Variants in SET observed in about 807,000 individuals in gnomAD.
The protein encoded by SET is protein SET.
Under a neutral mutation model 39.0 loss-of-function variants are expected in SET, and 4 were observed. That is an observed-to-expected ratio of 0.10 (90% confidence interval 0.05 to 0.23). The LOEUF is 0.23. Among genes scored for constraint, SET ranks in the 10% least tolerant of loss-of-function variants. The pLI, the probability that SET is intolerant of heterozygous loss-of-function variation, is 1.00. For missense variants in SET, 137 were observed against 329.7 expected (o/e 0.42, Z 4.53); for synonymous variants, 114 against 115.9 (o/e 0.98, Z 0.11).
intron 1 of SET, chr9:128,690,141 C>A: frequency 5.0e-6 from 1 of 201,984 alleles, no homozygotes; most frequent in Non-Finnish European, 8.8e-6. Flanking sequence ...GGGCTTCTGC[C>A]TGGAGCTCGG....
chr9:128,690,926 C>G lies in SET; in HGVS notation c.74-244C>G, dbSNP rs1861508920. The G allele has an allele frequency of 2.5e-5, 14 of 552,886 alleles. 1 individual carries two copies. Among genetic ancestry groups the G allele is most frequent in the Non-Finnish European group, 4.2e-5 (13 of 310,896 alleles). The allele number at this position is 552,886 out of a possible 1,614,324, so 34.2% of individuals were successfully genotyped here. On this transcript the variant is annotated intron_variant, in intron 1 of 7. Coordinates refer to ENST00000322030, the MANE Select transcript of SET (RefSeq NM_003011.4). ...TAATGATCGGTCTGTTGTAGTGAAA[C>G]TCTTTAAAAAGGCGCTATAGAAAAC...
chr9:128,685,849 TG>T (rs1287107063), upstream of SET, among the ~76,000 whole-genome samples: 1 of 152,128 alleles, frequency 6.6e-6, no homozygotes, highest in East Asian at 1.9e-4. Flanking sequence ...CTGGCCAACA[TG>T]GCTAAACCCC....
chr9:128,690,216 G>T (rs1055118968), intron 1 of SET: 1 of 153,520 alleles, frequency 6.5e-6, no homozygotes, highest in Non-Finnish European at 1.4e-5. Flanking sequence ...CCGGGAGGAT[G>T]CTCTGGCCAG....
chr9:128,689,728 C>T, intron 1 of SET, 73 bp downstream of exon 1: 1 of 256,516 alleles, frequency 3.9e-6, no homozygotes, highest in African/African-American at 2.4e-5. Flanking sequence ...AGGCCGCCGG[C>T]GGGGCCCGGG....
intron 1 of SET, chr9:128,689,956 C>T (rs1217098500): frequency 1.5e-5 from 10 of 673,590 alleles, no homozygotes; most frequent in South Asian, 5.5e-5. Flanking sequence ...CTCCCTCCCT[C>T]CCGAGAAGCC....
At chr9:128,690,042 GCCCCGCGCCCGACC>G in intron 1 of SET, 3 of 1,003,208 alleles carry the variant, frequency 3.0e-6, no homozygotes, top group Non-Finnish European at 3.6e-6. Flanking sequence ...GCCGGACGCG[GCCCCGCGCCCGACC>G]TCCCGCGCGG....
chr9:128,692,338 A>C (rs1264543706), intron 3 of SET: 2 of 225,418 alleles, frequency 8.9e-6, no homozygotes, highest in South Asian at 6.3e-5. Context: ...GGGAGGTTGC[A>C]GTGAGCCGAG....
chr9:128,688,573 G>A (rs1167008390), upstream of SET, among the ~76,000 whole-genome samples: 1 of 152,190 alleles, frequency 6.6e-6, no homozygotes, highest in African/African-American at 2.4e-5. Context: ...AGTTTAATGT[G>A]GCTTCAGTGT....
intron 5 of SET, among the ~76,000 whole-genome samples, chr9:128,693,356 TTTACA>T (rs1861614033): frequency 6.6e-6 from 1 of 152,228 alleles, no homozygotes; most frequent in African/African-American, 2.4e-5. Context: ...CTCAAAATCA[TTTACA>T]TCCGTATTTA....
intron 1 of SET, 65 bp from the exon 2 acceptor site, chr9:128,691,105 G>C (rs758061527): frequency 1.6e-6 from 2 of 1,224,226 alleles, no homozygotes; most frequent in Admixed American, 3.5e-5. Context: ...GAATATTATA[G>C]TATTAACATC....
chr9:128,689,371 G>T lies in SET; in HGVS notation c.-212G>T. On this transcript the variant is annotated 5_prime_UTR_variant, in exon 1 of 8. Coordinates refer to ENST00000322030, the MANE Select transcript of SET (RefSeq NM_003011.4). ...CGAACAGGAGCCCGGGCCGGGGCCC[G>T]GCACGCCGCCCCAGCCCGTCCCTCG... The T allele has an allele frequency of 9.9e-7, 1 of 1,007,834 alleles. No individual in the cohort carries two copies. Among genetic ancestry groups the T allele is most frequent in the South Asian group, 4.7e-5 (1 of 21,480 alleles). The allele number at this position is 1,007,834 out of a possible 1,614,324, so 62.4% of individuals were successfully genotyped here.
At chr9:128,689,784 G>A (rs1265414786) in intron 1 of SET, 129 bp downstream of exon 1, 1 of 149,038 alleles carries the variant, frequency 6.7e-6, no homozygotes, top group Admixed American at 6.8e-5. Context: ...GCGGCCGGGC[G>A]GGGGCCCGCG....
In SET at chr9:128,692,837, A is replaced by G. The variant is rs1049279894; in HGVS notation, c.379-31A>G. 6 of 1,517,398 alleles carry G rather than the reference A, an allele frequency of 4.0e-6. No individual in the cohort carries two copies. In the African/African-American group the frequency reaches 4.1e-5, roughly 10 times the overall value. 94.0% of individuals were successfully genotyped at this position (1,517,398 alleles called of 1,614,324 possible). A position where few individuals can be genotyped will look rare whatever the true frequency, so the allele number is the denominator to read the frequency against. On this transcript the variant is annotated intron_variant, in intron 4 of 7. Coordinates refer to ENST00000322030, the MANE Select transcript of SET (RefSeq NM_003011.4). ...TGAGCTTTGGTTGGAAGACCTGTTC[A>G]TATTTCTAATCTTTCAATTATTTAT... is the stretch of plus-strand genomic sequence containing the variant.
intron 2 of SET, 40 bp from the exon 3 acceptor site, chr9:128,691,817 TA>T: frequency 6.4e-7 from 1 of 1,572,690 alleles, no homozygotes; most frequent in Non-Finnish European, 8.6e-7. Context: ...TTTAATTTGT[TA>T]AATACTATCA....
At chr9:128,687,560 A>G (rs1861327184), upstream of SET, among the ~76,000 whole-genome samples, 1 of 147,274 alleles carries the variant, frequency 6.8e-6, no homozygotes, top group South Asian at 2.2e-4. Context: ...GTGAGCTGAG[A>G]TGGCACCACT....
At position 128,694,778 on chromosome 9, in the gene SET, C is replaced by T; in HGVS notation, c.*114C>T. 1.7e-6 allele frequency: 1 copy of T among 588,988 alleles called. No individual in the cohort carries two copies. The highest frequency in any genetic ancestry group is 2.9e-6 in the Non-Finnish European group (1 of 348,650). 36.5% of individuals were successfully genotyped at this position (588,988 alleles called of 1,614,324 possible). On this transcript the variant is annotated 3_prime_UTR_variant, in exon 8 of 8. Coordinates refer to ENST00000322030, the MANE Select transcript of SET (RefSeq NM_003011.4). Reference sequence around the variant, plus strand: ...TTTTTTCCCTCTTGTGCTCAGTCGCCCTGTTCTTGAGGTCTCTTTTCTCTA... The same window carrying T: ...TTTTTTCCCTCTTGTGCTCAGTCGCTCTGTTCTTGAGGTCTCTTTTCTCTA...
chr9:128,691,840 TC>T lies in SET; in HGVS notation c.132-17del. 1 of 1,602,686 alleles carries T rather than the reference TC, an allele frequency of 6.2e-7. No individual in the cohort carries two copies. Among genetic ancestry groups the T allele is most frequent in the Non-Finnish European group, 8.5e-7 (1 of 1,174,020 alleles). On this transcript the variant is annotated splice_polypyrimidine_tract_variant and intron_variant, in intron 2 of 7. Coordinates refer to ENST00000322030, the MANE Select transcript of SET (RefSeq NM_003011.4). ...GTTAAATACTATCATTGTCAACATC[TC>T]TTTTCATTTGCTTCAGACTTAATGA...
chr9:128,685,990 G>C (rs1861271479), upstream of SET, among the ~76,000 whole-genome samples: 1 of 151,804 alleles, frequency 6.6e-6, no homozygotes, highest in Non-Finnish European at 1.5e-5. Flanking sequence ...TCGTGCCATT[G>C]CACTCCAGCC....
chr9:128,683,712 T>G (rs916815536), exon 1 of SET: 4 of 459,972 alleles, frequency 8.7e-6, no homozygotes, highest in African/African-American at 4.2e-5. Context: ...GATTGGAGGG[T>G]GGGTGGGATG....
Sources: allele counts gnomAD v4.1 joint callset (sites outside exome capture counted in the v4.1 genomes callset), GRCh38; gene constraint gnomAD v4.1.1; transcripts MANE v1.5; gene names NCBI Gene and HGNC (gene_info 2026-07-23, HGNC 2026-07-21).